The following EPN2 variants were observed in gnomAD, a reference collection of about 807,000 sequenced individuals.
The protein encoded by EPN2 is epsin 2.
A neutral mutation model predicts 61.7 loss-of-function variants in EPN2; 34 were observed. The ratio of observed to expected loss-of-function variants is 0.55; its 90% CI spans 0.42 to 0.73. The LOEUF (loss-of-function observed/expected upper bound fraction) is 0.73. Ranked by LOEUF, EPN2 falls within the 30% of genes least tolerant of loss-of-function variation. EPN2 has a pLI of 0.00. For missense variants in EPN2, 714 were observed against 839.2 expected, an observed-to-expected ratio of 0.85 and a Z score of 1.84; for synonymous variants, 349 against 353.6, an observed-to-expected ratio of 0.99 and a Z score of 0.15.
At chr17:19,298,496 C>T (rs1359587124) in intron 4 of EPN2, among the ~76,000 whole-genome samples, 1 of 152,194 alleles carries the variant, frequency 6.6e-6, no homozygotes, top group Admixed American at 6.5e-5. Context: ...AGCCACGGCA[C>T]CCGGCCTATT....
At chr17:19,319,933 G>A (rs1004758229) in intron 7 of EPN2, among the ~76,000 whole-genome samples, 2 of 152,218 alleles carry the variant, frequency 1.3e-5, no homozygotes, top group Non-Finnish European at 2.9e-5. Context: ...CGTGAGCAGC[G>A]TTGGGATTAC....
At chr17:19,260,703 AT>A (rs2045131939) in intron 1 of EPN2, among the ~76,000 whole-genome samples, 1 of 151,632 alleles carries the variant, frequency 6.6e-6, no homozygotes, top group African/African-American at 2.4e-5. Context: ...ATTAAAATAT[AT>A]TTTAAGAAAT....
chr17:19,321,925 G>A (rs1401135570), intron 7 of EPN2, among the ~76,000 whole-genome samples: 2 of 152,122 alleles, frequency 1.3e-5, no homozygotes, highest in Non-Finnish European at 2.9e-5. Flanking sequence ...TGCCACTTAC[G>A]TCCAGCTGGG....
Position 19,313,250 on chromosome 17 carries a change from C to T in EPN2, c.1118C>T (p.Ala373Val), listed in dbSNP as rs1598016304. ...CCCTGGGGCGGGCCAGCGGCTCCTG[C>T]GAGTACTTCAGACCCCTGGCCATCG... Reference protein sequence around the residue: ...TNPWGGPAAPASTSDPWPSFG... With the variant: ...TNPWGGPAAPVSTSDPWPSFG... The change falls in exon 7 of 11, where the codon GCG (alanine) becomes GTG (valine). Residue 373 changes from alanine (A) to valine (V), a missense_variant. This residue lies in a region of EPN2 where 410 missense variants were observed against 421.8 expected (regional missense o/e 0.97). Coordinates refer to ENST00000314728, the MANE Select transcript of EPN2 (RefSeq NM_014964.5). The T allele has an allele frequency of 3.2e-6, 5 of 1,579,694 alleles. No homozygotes were observed. The highest frequency in any genetic ancestry group is 1.9e-5 in the Admixed American group (1 of 52,194).
intron 7 of EPN2, among the ~76,000 whole-genome samples, chr17:19,324,982 T>C (rs537373959): frequency 6.6e-6 from 1 of 152,310 alleles, no homozygotes; most frequent in Non-Finnish European, 1.5e-5. Flanking sequence ...TTTGATCAGC[T>C]CTGTGCTTAC....
At chr17:19,264,224 C>T (rs2045172891) in intron 1 of EPN2, among the ~76,000 whole-genome samples, 1 of 152,188 alleles carries the variant, frequency 6.6e-6, no homozygotes, top group South Asian at 2.1e-4. Context: ...CATTTGGTAG[C>T]ATACTTCTAA....
chr17:19,249,156 G>A (rs1044568083), intron 1 of EPN2, among the ~76,000 whole-genome samples: 17 of 152,316 alleles, frequency 1.1e-4, no homozygotes, highest in Admixed American at 2.6e-4. Context: ...AGGACTGTGG[G>A]CCTTCCACCC....
chr17:19,293,006 G>C lies in EPN2; in HGVS notation c.766+7216G>C, dbSNP rs1265111563. ...TTTTTCTGCAAAATAGGCAAATACG[G>C]TGTACACCTATTACAATTTTAAAAT... On this transcript the variant is annotated intron_variant, in intron 4 of 10. Coordinates refer to ENST00000314728, the MANE Select transcript of EPN2 (RefSeq NM_014964.5). Among the ~76,000 whole-genome samples the C allele has an allele frequency of 3.3e-5, 5 of 152,148 alleles. No individual in the cohort carries two copies. The East Asian group carries it at 9.6e-4, about 29-fold the overall frequency.
rs1183957235 is a variant in EPN2, at chr17:19,335,739, T to C, written c.*1485T>C. 3.0e-6 allele frequency: 1 copy of C among 331,484 alleles called. No homozygotes were observed. The highest frequency in any genetic ancestry group is 4.6e-5 in the East Asian group (1 of 21,506). The allele number at this position is 331,484 out of a possible 1,614,324, so 20.5% of individuals were successfully genotyped here. ...ATTTTGGAGATGAAGAAAAAAGTCA[T>C]TCACCTGGGAGGGATTTTTAACAAA... On this transcript the variant is annotated 3_prime_UTR_variant, in exon 11 of 11. Coordinates refer to ENST00000314728, the MANE Select transcript of EPN2 (RefSeq NM_014964.5).
At chr17:19,322,807 A>G (rs1906702256) in intron 7 of EPN2, among the ~76,000 whole-genome samples, 1 of 151,770 alleles carries the variant, frequency 6.6e-6, no homozygotes. Context: ...GCTATTCAGC[A>G]TTTCAGAGAC....
intron 4 of EPN2, among the ~76,000 whole-genome samples, chr17:19,289,754 TCTCA>T (rs1251979049): frequency 2.6e-5 from 3 of 116,850 alleles, no homozygotes; most frequent in Non-Finnish European, 5.5e-5. Flanking sequence ...TGAGATGGAG[TCTCA>T]CTCTGTTGGC....
chr17:19,283,369 C>T lies in EPN2; in HGVS notation c.250C>T (p.Leu84Phe). The T allele has an allele frequency of 6.2e-7, 1 of 1,614,134 alleles. No individual in the cohort carries two copies. Among genetic ancestry groups the T allele is most frequent in the South Asian group, 1.1e-5 (1 of 91,082 alleles). ...CAAGGCGCTGACCCTGCTGGACTAC[C>T]TCATCAAGACAGGCTCCGAACGTGT... The part of the protein sequence containing the change: ...VYKALTLLDY[L>F]IKTGSERVAQ... Residue 84 changes from leucine (L) to phenylalanine (F), a missense_variant, in exon 3 of 11, where the codon CTC becomes TTC. Around this residue, in one of 2 missense-constraint regions of EPN2, gnomAD observed 304 missense variants for 417.4 expected, o/e 0.73. Transcript: ENST00000314728. This position sits in a 1 kb window ranked among gnomAD's most constrained non-coding sequence, Gnocchi z 7.0.
At chr17:19,282,525 C>T (rs1465456488) in intron 2 of EPN2, 1 of 152,048 alleles carries the variant, frequency 6.6e-6, no homozygotes, top group Non-Finnish European at 1.5e-5. Context: ...CCAGGCTGGC[C>T]TCAAGTAATC....
intron 7 of EPN2, among the ~76,000 whole-genome samples, chr17:19,315,673 C>T (rs1017815915): frequency 1.3e-4 from 20 of 151,952 alleles, no homozygotes; most frequent in Admixed American, 1.2e-3. Context: ...TTAGTAGAGA[C>T]GGGGTTTCAC....
At chr17:19,333,850 T>C in intron 10 of EPN2, 106 bp from the exon 11 acceptor site, 2 of 933,546 alleles carry the variant, frequency 2.1e-6, no homozygotes, top group Non-Finnish European at 1.5e-6. Flanking sequence ...TCACGGGCTC[T>C]GAGGGCACAG....
At chr17:19,303,129 C>T (rs888143071) in intron 4 of EPN2, among the ~76,000 whole-genome samples, 1 of 152,224 alleles carries the variant, frequency 6.6e-6, no homozygotes, top group Non-Finnish European at 1.5e-5. Context: ...GAGTAGCTCT[C>T]ACTTCCTTTT....
At chr17:19,330,370 T>A (rs762479443) in intron 9 of EPN2, among the ~76,000 whole-genome samples, 20 of 151,976 alleles carry the variant, frequency 1.3e-4, no homozygotes, top group Non-Finnish European at 2.2e-4. Flanking sequence ...TCTATCCCAG[T>A]CTCTTCTTTT....
At chr17:19,249,647 G>A (rs2044992319) in intron 1 of EPN2, 1 of 152,264 alleles carries the variant, frequency 6.6e-6, no homozygotes, top group Non-Finnish European at 1.5e-5. Context: ...CTAGAAAAGT[G>A]GTCCTTAGGT....
At chr17:19,307,803 C>G (rs1905924371) in intron 4 of EPN2, 2 of 634,726 alleles carry the variant, frequency 3.2e-6, no homozygotes, top group Non-Finnish European at 3.9e-6. Flanking sequence ...TTCTACCTCC[C>G]CTGGTTCTTC....
Sources: gnomAD v4.1 joint callset for allele counts (sites outside exome capture counted in the v4.1 genomes callset) on GRCh38, gnomAD v4.1.1 for gene constraint, gnomAD v4.1.1 regional missense constraint, Gnocchi (gnomAD v3.1) non-coding constraint, MANE v1.5 for transcripts, NCBI Gene and HGNC (gene_info 2026-07-23, HGNC 2026-07-21) for gene names.